The following XRN1 variants were observed in gnomAD, a reference collection of about 807,000 sequenced individuals.
The protein encoded by XRN1 is 5'-3' exoribonuclease 1, also known as strand-exchange protein 1 homolog.
Under a neutral mutation model 222.3 loss-of-function variants are expected in XRN1, and 67 were observed. That is an observed-to-expected ratio of 0.30 (90% CI 0.25 to 0.37). The LOEUF (loss-of-function observed/expected upper bound fraction) is 0.37. Ranked by LOEUF, XRN1 falls within the 10% of genes least tolerant of loss-of-function variation. The pLI is 1.00. For missense variants in XRN1, 1,707 were observed against 2,000.2 expected, an observed-to-expected ratio of 0.85 and a Z score of 2.80; for synonymous variants, 643 against 652.4, an observed-to-expected ratio of 0.99 and a Z score of 0.22.
At chr3:142,373,173 T>C (rs1347263425) in intron 25 of XRN1, among the ~76,000 whole-genome samples, 1 of 152,108 alleles carries the variant, frequency 6.6e-6, no homozygotes, top group Non-Finnish European at 1.5e-5. Context: ...AGATATTCCA[T>C]TCACTGTAAG....
At chr3:142,416,925 AG>A (rs993928370) in intron 13 of XRN1, among the ~76,000 whole-genome samples, 2 of 150,426 alleles carry the variant, frequency 1.3e-5, no homozygotes, top group Non-Finnish European at 3.0e-5. Flanking sequence ...CCAGCTACTC[AG>A]GGGGTTGAGG....
In XRN1 at chr3:142,404,054, C is replaced by G; in HGVS notation, c.1884-65G>C. 3.0e-6 allele frequency: 4 copies of G among 1,353,870 alleles called. No individual in the cohort carries two copies. The Admixed American group carries it at 7.6e-5, about 26-fold the overall frequency. 83.9% of individuals were successfully genotyped at this position (1,353,870 alleles called of 1,614,324 possible). ...ATTACAAACAATTACAGTTTTTTAA[C>G]TTTCCCTTGTATATTTCGTAAGAGT... On this transcript the variant is annotated intron_variant, in intron 16 of 40. Coordinates refer to ENST00000392981, the MANE Select transcript of XRN1 (RefSeq NM_001282857.2).
At chr3:142,410,072 A>T (rs368743685) in intron 15 of XRN1, among the ~76,000 whole-genome samples, 11 of 152,342 alleles carry the variant, frequency 7.2e-5, no homozygotes, top group African/African-American at 2.6e-4. Flanking sequence ...ATAGATAATA[A>T]TGCCACTTGC....
intron 39 of XRN1, among the ~76,000 whole-genome samples, chr3:142,316,754 C>T (rs374637119): frequency 2.6e-5 from 4 of 152,022 alleles, no homozygotes; most frequent in African/African-American, 9.7e-5. Flanking sequence ...TTTGTTGGAG[C>T]ATGTAATTCA....
At position 142,383,393 on chromosome 3, in the gene XRN1, G is replaced by A. The variant is rs748212165; in HGVS notation, c.2523C>T (p.Ser841=). Residue 841 remains serine (S), a synonymous_variant, in exon 22 of 41, where the codon TCC becomes TCT. Coordinates refer to ENST00000392981, the MANE Select transcript of XRN1 (RefSeq NM_001282857.2). Reference sequence around the variant, plus strand: ...CCAATGTTTTGATATTGGAGAAACGGGAGTCGAAAGCTCGGATGTCCTACA... The same window carrying A: ...CCAATGTTTTGATATTGGAGAAACGAGAGTCGAAAGCTCGGATGTCCTACA... ...TIVKDIRAFD[S]RFSNIKTLDD... The A allele has an allele frequency of 6.2e-7, 1 of 1,613,502 alleles. No individual in the cohort carries two copies. The highest frequency in any genetic ancestry group is 8.5e-7 in the Non-Finnish European group (1 of 1,179,788).
chr3:142,433,308 T>C (rs975306935), intron 1 of XRN1, among the ~76,000 whole-genome samples: 2 of 152,222 alleles, frequency 1.3e-5, no homozygotes, highest in African/African-American at 4.8e-5. Flanking sequence ...TTGTACATGG[T>C]TACTGAAACA....
At chr3:142,386,843 T>C (rs2067521457) in intron 20 of XRN1, among the ~76,000 whole-genome samples, 1 of 152,308 alleles carries the variant, frequency 6.6e-6, no homozygotes, top group African/African-American at 2.4e-5. Flanking sequence ...TAAGTACTTA[T>C]GAAAACAGAA....
At chr3:142,339,527 A>ACATCAACAAG (rs2065932988) in intron 33 of XRN1, among the ~76,000 whole-genome samples, 1 of 152,224 alleles carries the variant, frequency 6.6e-6, no homozygotes. Flanking sequence ...ACACCAACAA[A>ACATCAACAAG]CATCAACAAG....
chr3:142,393,045 T>C (rs2067793138), intron 20 of XRN1, among the ~76,000 whole-genome samples: 1 of 151,804 alleles, frequency 6.6e-6, no homozygotes, highest in East Asian at 1.9e-4. Context: ...TATCTCATTG[T>C]GGTTTTGATT....
At chr3:142,363,311 A>C (rs952928276) in intron 29 of XRN1, among the ~76,000 whole-genome samples, 16 of 151,802 alleles carry the variant, frequency 1.1e-4, no homozygotes, top group African/African-American at 3.9e-4. Context: ...ACAAGTCCTC[A>C]ATATATACAG....
chr3:142,418,814 C>T lies in XRN1; in HGVS notation c.1240+1G>A, dbSNP rs1671844389. On this transcript the variant is annotated splice_donor_variant, in intron 11 of 40. Transcript: ENST00000392981. LOFTEE classifies it high-confidence loss of function. ...TATCAAAACACATACTTCATACTTA[C>T]CCTTAGAAGTTATCATTTCGCCTTC... 2 of 1,613,552 alleles carry T rather than the reference C, an allele frequency of 1.2e-6. No individual in the cohort carries two copies. The highest frequency in any genetic ancestry group is 3.3e-5 in the Admixed American group (2 of 59,996).
chr3:142,431,875 TTA>T (rs377215508), intron 2 of XRN1, among the ~76,000 whole-genome samples: 7 of 32,102 alleles, frequency 2.2e-4, no homozygotes, highest in Admixed American at 9.9e-4. Context: ...ATATATTATA[TTA>T]TATATATTAT....
chr3:142,358,277 G>C (rs2066518391), intron 30 of XRN1, among the ~76,000 whole-genome samples: 1 of 152,070 alleles, frequency 6.6e-6, no homozygotes, highest in Non-Finnish European at 1.5e-5. Context: ...AAAGGCTTAA[G>C]AGACAAGTAT....
chr3:142,407,606 G>C (rs2068392370), intron 15 of XRN1: 1 of 152,240 alleles, frequency 6.6e-6, no homozygotes, highest in African/African-American at 2.4e-5. Flanking sequence ...TGGGATTACA[G>C]GCATGAGCCA....
chr3:142,397,610 A>G (rs2067978661), intron 19 of XRN1, 150 bp from the exon 20 acceptor site: 1 of 497,032 alleles, frequency 2.0e-6, no homozygotes, highest in African/African-American at 2.0e-5. Context: ...AAACTATAAT[A>G]ATTACAGGTC....
intron 10 of XRN1, among the ~76,000 whole-genome samples, chr3:142,420,038 C>T (rs1288725992): frequency 1.3e-5 from 2 of 151,964 alleles, no homozygotes; most frequent in Admixed American, 1.3e-4. Context: ...GTGGTTTTTG[C>T]CATTACTATT....
chr3:142,318,728 A>C, intron 38 of XRN1, 34 bp from the exon 39 acceptor site: 1 of 1,610,368 alleles, frequency 6.2e-7, no homozygotes. Context: ...AAGACAATGC[A>C]ATACAAGCTT....
chr3:142,329,609 T>C lies in XRN1; in HGVS notation c.4229A>G (p.Tyr1410Cys), dbSNP rs751675193. ...ATTAGCACTGTGAGGCTTGTTCATA[T>C]AAGATGCTACCAAAAAAGAGAAAAG... ...QPKQNKKLASYMNKPHSANEY... is the reference protein window; with the variant it reads ...QPKQNKKLASCMNKPHSANEY... The change falls in exon 37 of 41, where the codon TAT (tyrosine) becomes TGT (cysteine). Residue 1410 changes from tyrosine (Y) to cysteine (C), a missense_variant. Physicochemically the swap from Tyr to Cys is radical, Grantham distance 194. Coordinates refer to ENST00000392981, the MANE Select transcript of XRN1 (RefSeq NM_001282857.2). 2.0e-6 allele frequency: 3 copies of C among 1,535,008 alleles called. No individual in the cohort carries two copies. Among genetic ancestry groups the C allele is most frequent in the Non-Finnish European group, 2.6e-6 (3 of 1,152,484 alleles).
chr3:142,313,229 A>G, intron 39 of XRN1: 3 of 1,541,862 alleles, frequency 1.9e-6, no homozygotes, highest in South Asian at 2.4e-5. Context: ...TTCATATGAC[A>G]GGTAGAATCT....
Sources: allele counts gnomAD v4.1 joint callset (sites outside exome capture counted in the v4.1 genomes callset), GRCh38; gene constraint gnomAD v4.1.1; transcripts MANE v1.5; gene names NCBI Gene and HGNC (gene_info 2026-07-23, HGNC 2026-07-21).